The following PPT1 variants were observed in gnomAD, a reference collection of about 807,000 sequenced individuals.
PPT1 encodes ceroid-palmitoyl-palmitoyl-protein thioesterase 1.
In PPT1, 24 loss-of-function variants were observed where a neutral mutation model predicts 44.0. That is an observed-to-expected ratio of 0.54 (90% CI 0.39 to 0.77). The LOEUF is 0.77. Among genes scored for constraint, PPT1 ranks in the 30% least tolerant of loss-of-function variants. PPT1 has a pLI of 0.00. For missense variants in PPT1, 341 were observed against 378.8 expected (o/e 0.90, Z 0.83); for synonymous variants, 148 against 140.2 (o/e 1.06, Z -0.39).
chr1:40,095,676 C>T (rs915922607), intron 1 of PPT1, among the ~76,000 whole-genome samples: 1 of 152,136 alleles, frequency 6.6e-6, no homozygotes, highest in African/African-American at 2.4e-5. Context: ...TGTTAGCAAT[C>T]CACCTTCAAA....
intron 7 of PPT1, 145 bp downstream of exon 7, chr1:40,078,415 T>C (rs975361448): frequency 2.2e-5 from 16 of 731,764 alleles, no homozygotes; most frequent in Admixed American, 1.7e-4. Flanking sequence ...TTGGCCAGGC[T>C]GGTCTTGAAC....
intron 5 of PPT1, among the ~76,000 whole-genome samples, chr1:40,084,392 C>G (rs950721322): frequency 3.3e-5 from 5 of 152,168 alleles, no homozygotes; most frequent in African/African-American, 1.2e-4. Context: ...ATTACATAAG[C>G]TTACATAAAA....
chr1:40,086,217 G>A (rs942389957), intron 5 of PPT1, among the ~76,000 whole-genome samples: 9 of 152,204 alleles, frequency 5.9e-5, no homozygotes, highest in East Asian at 1.9e-4. Flanking sequence ...GGCAGGGAGT[G>A]TAGAGGTAGG....
chr1:40,085,107 A>G (rs1397262747), intron 5 of PPT1, among the ~76,000 whole-genome samples: 1 of 152,130 alleles, frequency 6.6e-6, no homozygotes, highest in Non-Finnish European at 1.5e-5. Flanking sequence ...AGGCCCAACC[A>G]TCTCCCTGTG....
chr1:40,081,451 C>A (rs552980727), intron 5 of PPT1, among the ~76,000 whole-genome samples: 1 of 151,984 alleles, frequency 6.6e-6, no homozygotes, highest in Non-Finnish European at 1.5e-5. Flanking sequence ...GAGGGAGAAT[C>A]GCTTGAACCT....
chr1:40,081,157 G>A (rs1272561793), intron 5 of PPT1, among the ~76,000 whole-genome samples: 1 of 152,084 alleles, frequency 6.6e-6, no homozygotes, highest in Non-Finnish European at 1.5e-5. Flanking sequence ...CATATGTCAT[G>A]GGAGGTGACT....
At chr1:40,081,757 A>C (rs918665917) in intron 5 of PPT1, among the ~76,000 whole-genome samples, 2 of 152,052 alleles carry the variant, frequency 1.3e-5, no homozygotes, top group African/African-American at 4.8e-5. Flanking sequence ...AAAACAGACT[A>C]ATACAGTAAA....
At chr1:40,080,797 C>T (rs1648895227) in intron 5 of PPT1, among the ~76,000 whole-genome samples, 1 of 152,100 alleles carries the variant, frequency 6.6e-6, no homozygotes, top group African/African-American at 2.4e-5. Context: ...CTGCTAGAAC[C>T]CCGGCGGCAG....
downstream of PPT1, chr1:40,071,730 G>A (rs1433865359): frequency 7.1e-6 from 4 of 566,086 alleles, no homozygotes; most frequent in Non-Finnish European, 1.3e-5. Flanking sequence ...TTGATCTTCT[G>A]CAGGAAGGTG....
chr1:40,085,142 C>T (rs951353241), intron 5 of PPT1, among the ~76,000 whole-genome samples: 13 of 152,190 alleles, frequency 8.5e-5, no homozygotes, highest in African/African-American at 2.9e-4. Context: ...TGGTCATGTT[C>T]CTAGCCTGCT....
downstream of PPT1, chr1:40,072,005 G>A (rs933605202): frequency 5.4e-5 from 22 of 407,604 alleles, no homozygotes; most frequent in Admixed American, 4.1e-4. Context: ...GTTGACAAGC[G>A]AGGCAAGGGT....
At chr1:40,093,924 G>A in intron 1 of PPT1, 2 of 703,236 alleles carry the variant, frequency 2.8e-6, no homozygotes. Context: ...GCCAAGCATG[G>A]GCTCATACCT....
downstream of PPT1, chr1:40,071,591 A>G: frequency 1.8e-6 from 2 of 1,122,176 alleles, no homozygotes; most frequent in East Asian, 2.4e-5. Flanking sequence ...ATCTGTATCA[A>G]GACGGTTCTT....
rs552628011 is a variant in PPT1, at chr1:40,078,462, A to G, written c.726+98T>C. 2.6e-4 allele frequency: 326 copies of G among 1,250,096 alleles called. No individual in the cohort carries two copies. In the African/African-American group the frequency reaches 4.4e-3, roughly 17 times the overall value. 77.4% of individuals were successfully genotyped at this position (1,250,096 alleles called of 1,614,324 possible). On this transcript the variant is annotated intron_variant, in intron 7 of 8. Coordinates refer to ENST00000642050, the MANE Select transcript of PPT1 (RefSeq NM_000310.4). The stretch of plus-strand genomic sequence containing the variant: ...GGTGATCCACCCGCCTTGGCCTCCC[A>G]GAGTGCTGGGATTACAGGCATGAGC...
intron 4 of PPT1, among the ~76,000 whole-genome samples, chr1:40,090,633 A>G (rs1364977245): frequency 6.6e-6 from 1 of 152,228 alleles, no homozygotes; most frequent in Non-Finnish European, 1.5e-5. Flanking sequence ...ATACTTTTAA[A>G]AAGTATTTTC....
Position 40,089,448 on chromosome 1 carries a change from T to C in PPT1, c.498A>G (p.Thr166=). Residue 166 remains threonine, a synonymous_variant, in exon 5 of 9, where the codon ACA becomes ACG. Coordinates refer to ENST00000642050, the MANE Select transcript of PPT1 (RefSeq NM_000310.4). ...CTTTGGAGTACGCCCCAGCATTCAG[T>C]GTTTTTCGGATGAAGTCACAGATGT... is the stretch of plus-strand genomic sequence containing the variant. ...SSHICDFIRK[T]LNAGAYSKVV... 6.2e-7 allele frequency: 1 copy of C among 1,614,104 alleles called. No homozygotes were observed. The highest frequency in any genetic ancestry group is 8.5e-7 in the Non-Finnish European group (1 of 1,180,014).
At chr1:40,075,319 G>A (rs2124468045) in intron 8 of PPT1, 1 of 152,192 alleles carries the variant, frequency 6.6e-6, no homozygotes, top group South Asian at 2.1e-4. Flanking sequence ...TTCATATTCT[G>A]GAGTTGAAAA....
At chr1:40,083,002 G>A (rs540307424) in intron 5 of PPT1, among the ~76,000 whole-genome samples, 64 of 152,224 alleles carry the variant, frequency 4.2e-4, no homozygotes, top group African/African-American at 1.5e-3. Flanking sequence ...TAAATCCTAG[G>A]GCCCTTAAGA....
At chr1:40,095,347 G>T (rs1318793718) in intron 1 of PPT1, among the ~76,000 whole-genome samples, 1 of 152,052 alleles carries the variant, frequency 6.6e-6, no homozygotes, top group African/African-American at 2.4e-5. Context: ...CTCTGTGTAC[G>T]CTCATTTCCT....
Sources: allele counts gnomAD v4.1 joint callset (sites outside exome capture counted in the v4.1 genomes callset), GRCh38; gene constraint gnomAD v4.1.1; transcripts MANE v1.5; gene names NCBI Gene and HGNC (gene_info 2026-07-23, HGNC 2026-07-21).